Variants in NUGGC observed in about 807,000 individuals in gnomAD.
The protein encoded by NUGGC is nuclear GTPase, germinal center associated.
Under a neutral mutation model 92.6 loss-of-function variants are expected in NUGGC, and 58 were observed. That is an observed-to-expected ratio of 0.63 (90% CI 0.51 to 0.78). The LOEUF is 0.78. NUGGC is among the 30% of genes least tolerant of loss of function. The pLI is 0.00. For missense variants in NUGGC, 925 were observed against 964.6 expected (o/e 0.96, Z 0.54); for synonymous variants, 376 against 366.4 (o/e 1.03, Z -0.30).
intron 1 of NUGGC, among the ~76,000 whole-genome samples, chr8:28,081,383 C>T (rs182209426): frequency 1.8e-4 from 27 of 152,190 alleles, no homozygotes; most frequent in Admixed American, 5.9e-4. Flanking sequence ...TGCAAAATTG[C>T]TCTGCAGGCA....
At chr8:28,064,453 T>A (rs1171579858) in intron 7 of NUGGC, 69 bp downstream of exon 7, 7 of 1,293,330 alleles carry the variant, frequency 5.4e-6, no homozygotes, top group Non-Finnish European at 7.8e-6. Flanking sequence ...AACCAGAGCA[T>A]TCTTTGTTGC....
intron 17 of NUGGC, 88 bp from the exon 18 acceptor site, chr8:28,027,140 C>T: frequency 9.3e-7 from 1 of 1,076,686 alleles, no homozygotes; most frequent in Non-Finnish European, 1.4e-6. Flanking sequence ...AGTCCCCCAG[C>T]CACGGAAGGT....
chr8:28,057,603 T>C (rs1188951410), intron 9 of NUGGC, among the ~76,000 whole-genome samples: 1 of 152,142 alleles, frequency 6.6e-6, no homozygotes, highest in Non-Finnish European at 1.5e-5. Flanking sequence ...CCTTCCAAAG[T>C]GCTGGGATTA....
intron 18 of NUGGC, among the ~76,000 whole-genome samples, chr8:28,025,527 A>G (rs1159198169): frequency 1.3e-5 from 2 of 152,206 alleles, no homozygotes; most frequent in Admixed American, 1.3e-4. Context: ...AAGCAGGCAC[A>G]TTGGAATGAC....
chr8:28,048,551 C>T (rs1809902654), intron 10 of NUGGC, among the ~76,000 whole-genome samples: 1 of 152,240 alleles, frequency 6.6e-6, no homozygotes, highest in African/African-American at 2.4e-5. Context: ...TAATCATACA[C>T]ATTTTAATGC....
intron 10 of NUGGC, 39 bp downstream of exon 10, chr8:28,055,926 G>T: frequency 8.7e-7 from 1 of 1,151,124 alleles, no homozygotes; most frequent in Non-Finnish European, 1.3e-6. Context: ...TCTAGTTGCT[G>T]GGATACAGAA....
At chr8:28,054,409 G>A (rs1285402127) in intron 10 of NUGGC, among the ~76,000 whole-genome samples, 2 of 151,950 alleles carry the variant, frequency 1.3e-5, no homozygotes, top group African/African-American at 4.8e-5. Context: ...TTGAACCCAG[G>A]GGTCAGAGGT....
intron 6 of NUGGC, among the ~76,000 whole-genome samples, chr8:28,065,435 C>T (rs1026656113): frequency 6.6e-6 from 1 of 152,180 alleles, no homozygotes; most frequent in Admixed American, 6.5e-5. Context: ...GCTGGGATTA[C>T]AGGCGTGAGC....
chr8:28,054,339 G>A (rs923116956), intron 10 of NUGGC, among the ~76,000 whole-genome samples: 4 of 151,958 alleles, frequency 2.6e-5, no homozygotes, highest in Non-Finnish European at 5.9e-5. Flanking sequence ...AAAATTAGCT[G>A]GGCATAGTGG....
chr8:28,031,084 C>A (rs1225807229), intron 15 of NUGGC, among the ~76,000 whole-genome samples, 159 bp downstream of exon 15: 1 of 152,222 alleles, frequency 6.6e-6, no homozygotes, highest in East Asian at 1.9e-4. Flanking sequence ...GCCGTCCCCA[C>A]ATCCCACTGG....
At position 28,074,419 on chromosome 8, in the gene NUGGC, A is replaced by G; in HGVS notation, c.-9T>C. ...TCCTTCGTTTCTGCCATTCCTTGTTACGTGAACTCCTGCTCTTCTCAGTTC... is the reference window on the plus strand; with the variant it reads ...TCCTTCGTTTCTGCCATTCCTTGTTGCGTGAACTCCTGCTCTTCTCAGTTC... On this transcript the variant is annotated 5_prime_UTR_variant, in exon 2 of 19. Coordinates refer to ENST00000413272, the MANE Select transcript of NUGGC (RefSeq NM_001010906.2). The G allele has an allele frequency of 6.2e-7, 1 of 1,613,708 alleles. No homozygotes were observed. The highest frequency in any genetic ancestry group is 8.5e-7 in the Non-Finnish European group (1 of 1,179,758).
In NUGGC at chr8:28,067,630, T is replaced by A; in HGVS notation, c.595A>T (p.Lys199Ter). Residue 199 changes from lysine to a stop codon, truncating the protein, a stop_gained, in exon 6 of 19, where the codon AAG (lysine) becomes TAG (stop). Coordinates refer to ENST00000413272, the MANE Select transcript of NUGGC (RefSeq NM_001010906.2). LOFTEE classifies it high-confidence loss of function. ...RDEAVEEATW[K>*]LQMIYGNGAE... Reference sequence around the variant, plus strand: ...CCATTTCCATAAATCATTTGTAGCTTCCAGGTGGCTTCCTCCACTGCCTCA... The same window carrying A: ...CCATTTCCATAAATCATTTGTAGCTACCAGGTGGCTTCCTCCACTGCCTCA... 1 of 1,613,990 alleles carries A rather than the reference T, an allele frequency of 6.2e-7. No homozygotes were observed. Among genetic ancestry groups the A allele is most frequent in the Non-Finnish European group, 8.5e-7 (1 of 1,179,830 alleles).
At position 28,060,498 on chromosome 8, in the gene NUGGC, T is replaced by C. The variant is rs371236052; in HGVS notation, c.1025A>G (p.Gln342Arg). Residue 342 changes from glutamine to arginine, a missense_variant, in exon 8 of 19, where the codon CAG becomes CGG. By Grantham distance (43) the Gln-to-Arg change is conservative. Transcript: ENST00000413272. The stretch of plus-strand genomic sequence containing the variant: ...GGCCACGTCCCTACAGAAGCCCCGC[T>C]GGCAGGCTTTGATGCTCTCATTCAG... ...DLLNESIKAC[Q>R]RGFCRDVALV... The C allele has an allele frequency of 1.9e-6, 3 of 1,613,820 alleles. No individual in the cohort carries two copies. In the African/African-American group the frequency reaches 4.0e-5, roughly 22 times the overall value.
At chr8:28,041,292 A>G in intron 12 of NUGGC, 77 bp from the exon 13 acceptor site, 1 of 1,407,640 alleles carries the variant, frequency 7.1e-7, no homozygotes, top group South Asian at 1.3e-5. Context: ...GCTTTCTTTA[A>G]GCTTGTCACC....
In NUGGC at chr8:28,078,966, C is replaced by T. The variant is rs141589656; in HGVS notation, c.-46-4510G>A. On this transcript the variant is annotated intron_variant, in intron 1 of 18. Transcript: ENST00000413272. The stretch of plus-strand genomic sequence containing the variant: ...GCTTGTATTTCAGCTATGTGGTTAG[C>T]ACTGAAGTTTTGCTTTTAGTGCTTA... Among the ~76,000 whole-genome samples the T allele has an allele frequency of 2.3e-4, 35 of 152,302 alleles. No individual in the cohort carries two copies. In the South Asian group the frequency reaches 2.5e-3, roughly 11 times the overall value.
At chr8:28,045,393 T>C (rs1809803628) in intron 12 of NUGGC, 134 bp downstream of exon 12, 2 of 807,210 alleles carry the variant, frequency 2.5e-6, no homozygotes, top group East Asian at 5.6e-5. Flanking sequence ...CTTTTTGTCC[T>C]TTTAGACTCA....
chr8:28,060,305 A>G, intron 8 of NUGGC, 121 bp downstream of exon 8: 1 of 992,366 alleles, frequency 1.0e-6, no homozygotes, highest in South Asian at 1.4e-5. Flanking sequence ...TTCCTCCCCA[A>G]CAATCACTTC....
At chr8:28,074,676 T>G (rs1414012915) in intron 1 of NUGGC, among the ~76,000 whole-genome samples, 1 of 152,222 alleles carries the variant, frequency 6.6e-6, no homozygotes, top group Non-Finnish European at 1.5e-5. Context: ...CAGTGGCTCA[T>G]GCCTGTAATC....
At chr8:28,037,861 A>G (rs1809595419) in intron 13 of NUGGC, among the ~76,000 whole-genome samples, 1 of 152,164 alleles carries the variant, frequency 6.6e-6, no homozygotes, top group African/African-American at 2.4e-5. Flanking sequence ...ACCAGCACCT[A>G]GGGGGTAGAG....
Sources: gnomAD v4.1 joint callset for allele counts (sites outside exome capture counted in the v4.1 genomes callset) on GRCh38, gnomAD v4.1.1 for gene constraint, MANE v1.5 for transcripts, NCBI Gene and HGNC (gene_info 2026-07-23, HGNC 2026-07-21) for gene names.